TTC27: variants seen among roughly 807,000 people sequenced by gnomAD.
TTC27 encodes tetratricopeptide repeat domain 27, also known as tetratricopeptide repeat protein 27.
In TTC27, 79 loss-of-function variants were observed where a neutral mutation model predicts 115.9. The ratio of observed to expected loss-of-function variants is 0.68; its 90% CI spans 0.57 to 0.82. TTC27 has a LOEUF of 0.82. Ranked by LOEUF, TTC27 falls within the 40% of genes least tolerant of loss-of-function variation. TTC27 has a pLI of 0.00. For missense variants in TTC27, 1,054 were observed against 993.1 expected, an observed-to-expected ratio of 1.06 and a Z score of -0.82; for synonymous variants, 401 against 356.0, an observed-to-expected ratio of 1.13 and a Z score of -1.42.
chr2:32,742,248 G>C (rs949898264), intron 12 of TTC27, among the ~76,000 whole-genome samples: 1 of 152,088 alleles, frequency 6.6e-6, no homozygotes, highest in Non-Finnish European at 1.5e-5. Context: ...CTTAAAAATT[G>C]GATATTAGCT....
chr2:32,650,110 T>G, intron 4 of TTC27, 21 bp from the exon 5 acceptor site: 2 of 1,591,688 alleles, frequency 1.3e-6, no homozygotes, highest in Non-Finnish European at 1.7e-6. Flanking sequence ...TTATTTCAGC[T>G]TACGTGGTGT....
At chr2:32,806,994 C>T (rs1451437730) in intron 16 of TTC27, among the ~76,000 whole-genome samples, 29 of 151,960 alleles carry the variant, frequency 1.9e-4, no homozygotes, top group Admixed American at 1.9e-3. Flanking sequence ...ATTTTTTCTT[C>T]GTGAAAACAC....
At chr2:32,735,598 ATTATT>A (rs1668427876) in intron 11 of TTC27, among the ~76,000 whole-genome samples, 1 of 152,136 alleles carries the variant, frequency 6.6e-6, no homozygotes. Flanking sequence ...ATCTTTGTGT[ATTATT>A]TTAAAGATTG....
At chr2:32,765,538 C>T (rs1237711053) in intron 13 of TTC27, among the ~76,000 whole-genome samples, 1 of 152,132 alleles carries the variant, frequency 6.6e-6, no homozygotes, top group Non-Finnish European at 1.5e-5. Flanking sequence ...TGAGCATTGG[C>T]TTCAGCCTAA....
intron 8 of TTC27, among the ~76,000 whole-genome samples, chr2:32,673,346 T>C (rs1443027484): frequency 6.6e-6 from 1 of 151,986 alleles, no homozygotes; most frequent in African/African-American, 2.4e-5. Flanking sequence ...TGCCTCAGCC[T>C]CCTGAGTAGC....
At chr2:32,770,626 C>T (rs951126993) in intron 13 of TTC27, among the ~76,000 whole-genome samples, 5 of 152,166 alleles carry the variant, frequency 3.3e-5, no homozygotes, top group African/African-American at 1.2e-4. Flanking sequence ...GGGAGTGACT[C>T]TCTTTGAGAC....
intron 12 of TTC27, among the ~76,000 whole-genome samples, chr2:32,740,544 T>G (rs1668597172): frequency 6.6e-6 from 1 of 152,040 alleles, no homozygotes; most frequent in African/African-American, 2.4e-5. Flanking sequence ...ATAGTCTTCC[T>G]AAAGACAAAT....
At chr2:32,759,139 C>G (rs1227298110) in intron 13 of TTC27, among the ~76,000 whole-genome samples, 3 of 152,094 alleles carry the variant, frequency 2.0e-5, no homozygotes, top group African/African-American at 7.2e-5. Flanking sequence ...ATTCAGTTAT[C>G]AGAATGTTTT....
intron 17 of TTC27, among the ~76,000 whole-genome samples, chr2:32,811,449 C>T (rs534045857): frequency 6.6e-6 from 1 of 152,184 alleles, no homozygotes; most frequent in Non-Finnish European, 1.5e-5. Context: ...ATAGTTGTTC[C>T]CTGTTTCCTG....
intron 11 of TTC27, among the ~76,000 whole-genome samples, chr2:32,736,302 T>C (rs1162423534): frequency 6.6e-6 from 1 of 152,138 alleles, no homozygotes; most frequent in Non-Finnish European, 1.5e-5. Context: ...AATGCATAGA[T>C]TTTATGTCAT....
chr2:32,756,175 A>G (rs138952580), intron 12 of TTC27, among the ~76,000 whole-genome samples: 1 of 152,348 alleles, frequency 6.6e-6, no homozygotes, highest in East Asian at 1.9e-4. Context: ...GTAACTGGCT[A>G]AAGCAGAAAG....
At chr2:32,740,635 C>CTTTA (rs1161903380) in intron 12 of TTC27, among the ~76,000 whole-genome samples, 14 of 151,952 alleles carry the variant, frequency 9.2e-5, no homozygotes, top group Admixed American at 2.0e-4. Context: ...TTACAGACAA[C>CTTTA]TTTATTTATT....
intron 13 of TTC27, among the ~76,000 whole-genome samples, chr2:32,769,427 T>TA (rs1669753920): frequency 6.6e-6 from 1 of 152,210 alleles, no homozygotes; most frequent in South Asian, 2.1e-4. Flanking sequence ...ATAGAATCTA[T>TA]AGACTGTTCC....
chr2:32,646,592 CTCTG>C (rs1461136349), intron 4 of TTC27, among the ~76,000 whole-genome samples: 3 of 131,074 alleles, frequency 2.3e-5, no homozygotes, highest in African/African-American at 8.3e-5. Flanking sequence ...CCGACTCTCA[CTCTG>C]TCTGTCTCCC....
chr2:32,777,638 C>T (rs1270305035), intron 13 of TTC27, among the ~76,000 whole-genome samples: 3 of 152,064 alleles, frequency 2.0e-5, no homozygotes, highest in Admixed American at 6.6e-5. Context: ...TAAGTATGGA[C>T]TTTTTCCGTG....
intron 7 of TTC27, 137 bp downstream of exon 7, chr2:32,666,905 A>G: frequency 9.4e-7 from 1 of 1,059,606 alleles, no homozygotes; most frequent in Non-Finnish European, 1.3e-6. Context: ...AAGGTTGCTG[A>G]GTCAGGGAGA....
intron 12 of TTC27, among the ~76,000 whole-genome samples, chr2:32,752,184 A>C (rs1429039083): frequency 1.3e-5 from 2 of 152,202 alleles, no homozygotes; most frequent in East Asian, 3.9e-4. Context: ...AAGGACCTCT[A>C]AGCTTTTCCC....
At chr2:32,720,245 C>T (rs1667879203) in intron 10 of TTC27, among the ~76,000 whole-genome samples, 1 of 152,182 alleles carries the variant, frequency 6.6e-6, no homozygotes, top group East Asian at 1.9e-4. Flanking sequence ...AACTTTCCTT[C>T]ATAACAGCTA....
At chr2:32,655,402 C>T (rs1367132405) in intron 5 of TTC27, among the ~76,000 whole-genome samples, 1 of 152,144 alleles carries the variant, frequency 6.6e-6, no homozygotes, top group Non-Finnish European at 1.5e-5. Context: ...TCACCTCGGC[C>T]TCCCAAAGTG....
Sources: gnomAD v4.1 joint callset for allele counts (sites outside exome capture counted in the v4.1 genomes callset) on GRCh38, gnomAD v4.1.1 for gene constraint, MANE v1.5 for transcripts, NCBI Gene and HGNC (gene_info 2026-07-23, HGNC 2026-07-21) for gene names.